The following NKAIN2 variants were observed in gnomAD, a reference collection of about 807,000 sequenced individuals.
The protein encoded by NKAIN2 is sodium/potassium-transporting ATPase subunit beta-1-interacting protein 2.
A neutral mutation model predicts 32.6 loss-of-function variants in NKAIN2; 14 were observed. The ratio of observed to expected loss-of-function variants is 0.43; its 90% CI spans 0.28 to 0.67. The LOEUF is 0.67. Among genes scored for constraint, NKAIN2 ranks in the 30% least tolerant of loss-of-function variants. The probability of loss-of-function intolerance (pLI) is 0.17; values close to 1 mark genes in which losing one functional copy is unlikely to be tolerated. For synonymous variants in NKAIN2, 80 were observed against 87.2 expected (o/e 0.92, Z 0.46); for missense variants, 198 against 258.3 (o/e 0.77, Z 1.60).
intron 1 of NKAIN2, among the ~76,000 whole-genome samples, chr6:124,028,834 TA>T (rs1562317236): frequency 2.3e-4 from 31 of 137,764 alleles, no homozygotes; most frequent in African/African-American, 8.7e-4. Context: ...TATATATACA[TA>T]TATATGTATA....
At chr6:124,139,531 A>C (rs1468414395) in intron 1 of NKAIN2, among the ~76,000 whole-genome samples, 1 of 152,214 alleles carries the variant, frequency 6.6e-6, no homozygotes, top group Non-Finnish European at 1.5e-5. Context: ...GTAAAGATTC[A>C]TGTGACAAAT....
chr6:124,368,025 C>T (rs1799599671), intron 3 of NKAIN2, among the ~76,000 whole-genome samples: 1 of 152,014 alleles, frequency 6.6e-6, no homozygotes, highest in Non-Finnish European at 1.5e-5. Context: ...GGCTTAAATT[C>T]TTCCTTTAAT....
At chr6:124,782,621 T>G (rs1779322371) in intron 4 of NKAIN2, among the ~76,000 whole-genome samples, 1 of 152,138 alleles carries the variant, frequency 6.6e-6, no homozygotes, top group African/African-American at 2.4e-5. Flanking sequence ...TGGGCAAATT[T>G]ATTTTTACAA....
chr6:124,124,828 AT>A (rs1786080888), intron 1 of NKAIN2, among the ~76,000 whole-genome samples: 1 of 152,134 alleles, frequency 6.6e-6, no homozygotes, highest in African/African-American at 2.4e-5. Flanking sequence ...ACTGTTCATC[AT>A]TGTGTGCAGT....
chr6:124,596,053 G>GA (rs1208275996), intron 3 of NKAIN2, among the ~76,000 whole-genome samples: 1 of 151,874 alleles, frequency 6.6e-6, no homozygotes, highest in African/African-American at 2.4e-5. Context: ...TCCTTGAAGA[G>GA]AAAAAAAAGT....
intron 1 of NKAIN2, among the ~76,000 whole-genome samples, chr6:123,845,989 T>C (rs1224034512): frequency 2.0e-5 from 3 of 152,212 alleles, no homozygotes; most frequent in Non-Finnish European, 2.9e-5. Flanking sequence ...TCTCTCTGAC[T>C]CATCCCAATC....
intron 1 of NKAIN2, among the ~76,000 whole-genome samples, chr6:124,183,162 C>G (rs1789534409): frequency 6.6e-6 from 1 of 151,908 alleles, no homozygotes; most frequent in Non-Finnish European, 1.5e-5. Context: ...ATCAGAGACC[C>G]CATTTTTGCA....
chr6:124,211,669 C>T (rs1791184180), intron 1 of NKAIN2, among the ~76,000 whole-genome samples: 1 of 151,870 alleles, frequency 6.6e-6, no homozygotes, highest in Non-Finnish European at 1.5e-5. Flanking sequence ...GATTATTCAC[C>T]AGCAAATAGT....
At chr6:123,926,965 C>A (rs557705092) in intron 1 of NKAIN2, among the ~76,000 whole-genome samples, 1 of 152,162 alleles carries the variant, frequency 6.6e-6, no homozygotes, top group Non-Finnish European at 1.5e-5. Context: ...TTCCTAGGAA[C>A]AAGGCAAGGC....
intron 1 of NKAIN2, among the ~76,000 whole-genome samples, chr6:124,160,929 T>G (rs1176037629): frequency 6.6e-6 from 1 of 152,170 alleles, no homozygotes; most frequent in Admixed American, 6.6e-5. Flanking sequence ...GTGGTAAAAG[T>G]TGCTCAGTGA....
At chr6:124,620,965 T>G (rs1783083444) in intron 3 of NKAIN2, among the ~76,000 whole-genome samples, 1 of 152,182 alleles carries the variant, frequency 6.6e-6, no homozygotes. Flanking sequence ...CTATTTAAAG[T>G]AAAAGTTGCT....
chr6:124,797,496 T>G (rs2114822605), intron 5 of NKAIN2, among the ~76,000 whole-genome samples: 1 of 152,238 alleles, frequency 6.6e-6, no homozygotes, highest in South Asian at 2.1e-4. Flanking sequence ...ACATGCACAT[T>G]TACACCAACC....
chr6:124,657,539 GATA>G (rs1030682416), intron 3 of NKAIN2, among the ~76,000 whole-genome samples: 8 of 151,898 alleles, frequency 5.3e-5, no homozygotes, highest in Non-Finnish European at 8.8e-5. Flanking sequence ...ACAAGAATTT[GATA>G]ATAATATTTC....
chr6:123,911,791 A>G lies in NKAIN2; in HGVS notation c.54+107537A>G, dbSNP rs796630259. On this transcript the variant is annotated intron_variant, in intron 1 of 6. Transcript: ENST00000368417. ...TATATATACATACATACATATATAT[A>G]TATATATATGTATATATATATACAC... Among the ~76,000 whole-genome samples, 251 of 110,138 alleles carry G rather than the reference A, an allele frequency of 2.3e-3. 3 individuals are homozygous for G. The highest frequency in any genetic ancestry group is 7.6e-3 in the African/African-American group (170 of 22,506). 72.3% of individuals were successfully genotyped at this position (110,138 alleles called of 152,430 possible). A position where few individuals can be genotyped will look rare whatever the true frequency, so the allele number is the denominator to read the frequency against.
At chr6:124,451,458 C>T (rs12198479) in intron 3 of NKAIN2, among the ~76,000 whole-genome samples, 1 of 152,244 alleles carries the variant, frequency 6.6e-6, no homozygotes, top group South Asian at 2.1e-4. Flanking sequence ...CTTTACTCCT[C>T]TGATTTCAAA....
chr6:124,470,959 T>G (rs1449693033), intron 3 of NKAIN2, among the ~76,000 whole-genome samples: 1 of 152,194 alleles, frequency 6.6e-6, no homozygotes, highest in African/African-American at 2.4e-5. Flanking sequence ...CAGTCAGTTT[T>G]GTAGATAAAG....
chr6:124,479,662 G>C (rs1050414198), intron 3 of NKAIN2, among the ~76,000 whole-genome samples: 4 of 152,096 alleles, frequency 2.6e-5, no homozygotes, highest in Non-Finnish European at 5.9e-5. Context: ...AGAAAATCTA[G>C]AATCAGCATA....
At chr6:124,580,540 T>G (rs1280047075) in intron 3 of NKAIN2, among the ~76,000 whole-genome samples, 1 of 151,682 alleles carries the variant, frequency 6.6e-6, no homozygotes, top group Non-Finnish European at 1.5e-5. Context: ...AGCAAGAAAT[T>G]AAAACATACC....
chr6:124,457,615 T>C (rs116852314), intron 3 of NKAIN2, among the ~76,000 whole-genome samples: 233 of 152,130 alleles, frequency 1.5e-3, no homozygotes, highest in Non-Finnish European at 2.7e-3. Flanking sequence ...GAACCGCATA[T>C]GTTCTGAGGC....
Sources: allele counts gnomAD v4.1 joint callset (sites outside exome capture counted in the v4.1 genomes callset), GRCh38; gene constraint gnomAD v4.1.1; transcripts MANE v1.5; gene names NCBI Gene and HGNC (gene_info 2026-07-23, HGNC 2026-07-21).